Variants in CNTNAP2 observed in about 807,000 individuals in gnomAD.
CNTNAP2 encodes contactin-associated protein-like 2.
In CNTNAP2, 98 loss-of-function variants were observed where a neutral mutation model predicts 155.2. The ratio of observed to expected loss-of-function variants is 0.63; its 90% CI spans 0.54 to 0.75. CNTNAP2 has a LOEUF of 0.75. CNTNAP2 is among the 30% of genes least tolerant of loss of function. The pLI, the probability that CNTNAP2 is intolerant of heterozygous loss-of-function variation, is 0.00. For missense variants in CNTNAP2, 1,727 were observed against 1,688.1 expected, an observed-to-expected ratio of 1.02 and a Z score of -0.40; for synonymous variants, 651 against 631.2, an observed-to-expected ratio of 1.03 and a Z score of -0.47.
chr7:147,143,891 C>G (rs1203067316), intron 8 of CNTNAP2, among the ~76,000 whole-genome samples: 1 of 151,954 alleles, frequency 6.6e-6, no homozygotes, highest in Non-Finnish European at 1.5e-5. Context: ...TGAAGTAAAG[C>G]CTTGAAATTA....
intron 19 of CNTNAP2, among the ~76,000 whole-genome samples, chr7:148,226,375 A>G (rs1795848960): frequency 6.6e-6 from 1 of 151,980 alleles, no homozygotes; most frequent in Admixed American, 6.6e-5. Context: ...CCTCCCACCA[A>G]CCACCAAGAA....
intron 1 of CNTNAP2, among the ~76,000 whole-genome samples, chr7:146,689,617 G>T (rs1029226641): frequency 1.3e-5 from 2 of 152,046 alleles, no homozygotes; most frequent in Non-Finnish European, 2.9e-5. Flanking sequence ...TCATTTTAAA[G>T]TCTAACTTGT....
chr7:147,790,916 A>G (rs1797809538), intron 13 of CNTNAP2, among the ~76,000 whole-genome samples: 1 of 152,128 alleles, frequency 6.6e-6, no homozygotes, highest in Non-Finnish European at 1.5e-5. Context: ...CCACAGAAAT[A>G]TTTGCTCTTC....
At chr7:147,439,061 ATTG>A (rs1321696322) in intron 10 of CNTNAP2, among the ~76,000 whole-genome samples, 42 of 151,734 alleles carry the variant, frequency 2.8e-4, no homozygotes, top group African/African-American at 9.7e-4. Context: ...GGTCTTTTGT[ATTG>A]TTTTCTTCAT....
chr7:148,118,678 G>A (rs1307400256), intron 16 of CNTNAP2, among the ~76,000 whole-genome samples: 1 of 152,134 alleles, frequency 6.6e-6, no homozygotes, highest in Non-Finnish European at 1.5e-5. Context: ...TCATGTCAAG[G>A]TCAAGGAAGA....
chr7:148,301,306 A>AAAAAAAAAATATATATATATATATATAT, intron 21 of CNTNAP2, among the ~76,000 whole-genome samples: 1 of 103,870 alleles, frequency 9.6e-6, no homozygotes, highest in African/African-American at 3.8e-5. Flanking sequence ...AAAAAAAAAA[A>AAAAAAAAAATATATATATATATATATAT]ATATATATAT....
intron 1 of CNTNAP2, among the ~76,000 whole-genome samples, chr7:146,592,414 C>T (rs1798796796): frequency 6.6e-6 from 1 of 152,334 alleles, no homozygotes; most frequent in South Asian, 2.1e-4. Flanking sequence ...ACACACTGCA[C>T]TGTATGCCTG....
chr7:147,011,420 A>G (rs1798620908), intron 3 of CNTNAP2, among the ~76,000 whole-genome samples: 2 of 139,440 alleles, frequency 1.4e-5, no homozygotes, highest in Non-Finnish European at 3.2e-5. Context: ...CTCCATCTCA[A>G]AAAAAAAAAA....
intron 3 of CNTNAP2, among the ~76,000 whole-genome samples, chr7:146,855,629 C>T (rs57954164): frequency 0.031 from 4,683 of 151,346 alleles, 215 homozygotes; most frequent in African/African-American, 0.1. Context: ...AATGAGGAAA[C>T]GTATATATGG....
intron 13 of CNTNAP2, among the ~76,000 whole-genome samples, chr7:147,901,922 G>C (rs533673241): frequency 6.6e-6 from 1 of 152,326 alleles, no homozygotes; most frequent in South Asian, 2.1e-4. Flanking sequence ...CTAATCTGCT[G>C]TGTGGTTAAA....
At chr7:147,114,260 G>C (rs530101117) in intron 5 of CNTNAP2, among the ~76,000 whole-genome samples, 74 of 152,300 alleles carry the variant, frequency 4.9e-4, no homozygotes, top group African/African-American at 1.6e-3. Flanking sequence ...TAAGTGCTGT[G>C]TAGTGATGAG....
intron 1 of CNTNAP2, among the ~76,000 whole-genome samples, chr7:146,179,313 G>A (rs936302751): frequency 2.2e-4 from 34 of 152,072 alleles, no homozygotes; most frequent in African/African-American, 4.8e-4. Context: ...AAATAGAACC[G>A]TAAGGAATAC....
chr7:146,512,145 T>C (rs1404478909), intron 1 of CNTNAP2, among the ~76,000 whole-genome samples: 1 of 151,998 alleles, frequency 6.6e-6, no homozygotes, highest in Non-Finnish European at 1.5e-5. Context: ...GTCTCCTTTT[T>C]CATTTTTTAT....
At chr7:146,732,274 T>C (rs1801539243) in intron 1 of CNTNAP2, among the ~76,000 whole-genome samples, 3 of 152,174 alleles carry the variant, frequency 2.0e-5, no homozygotes, top group Admixed American at 2.0e-4. Flanking sequence ...AAAAGCTTAT[T>C]ATACAGAAAC....
intron 1 of CNTNAP2, among the ~76,000 whole-genome samples, chr7:146,734,146 G>A (rs1801572254): frequency 6.6e-6 from 1 of 152,102 alleles, no homozygotes; most frequent in South Asian, 2.1e-4. Flanking sequence ...ACTAATAAAA[G>A]GTGAGGTACA....
chr7:147,425,313 G>T (rs1428612335), intron 10 of CNTNAP2, among the ~76,000 whole-genome samples: 1 of 151,594 alleles, frequency 6.6e-6, no homozygotes, highest in African/African-American at 2.4e-5. Context: ...AGCTAGGTAG[G>T]TATGAAAAAT....
intron 8 of CNTNAP2, among the ~76,000 whole-genome samples, chr7:147,235,012 T>C (rs113489565): frequency 2.0e-5 from 3 of 152,234 alleles, no homozygotes; most frequent in African/African-American, 7.2e-5. Context: ...CATTATATTC[T>C]GGGTGCTTTT....
intron 8 of CNTNAP2, among the ~76,000 whole-genome samples, chr7:147,230,878 A>G (rs1473961856): frequency 6.6e-6 from 1 of 152,130 alleles, no homozygotes; most frequent in African/African-American, 2.4e-5. Flanking sequence ...AGCCTAATGT[A>G]TTAGTCTATT....
intron 1 of CNTNAP2, among the ~76,000 whole-genome samples, chr7:146,397,700 T>A (rs890961847): frequency 6.6e-6 from 1 of 152,012 alleles, no homozygotes; most frequent in Admixed American, 6.6e-5. Flanking sequence ...TCCAAATTTA[T>A]ACCCATACCA....
Sources: allele counts gnomAD v4.1 joint callset (sites outside exome capture counted in the v4.1 genomes callset), GRCh38; gene constraint gnomAD v4.1.1; transcripts MANE v1.5; gene names NCBI Gene and HGNC (gene_info 2026-07-23, HGNC 2026-07-21).